The following PXDC1 variants were observed in gnomAD, a reference collection of about 807,000 sequenced individuals.
PXDC1 encodes the protein PX domain containing 1.
A neutral mutation model predicts 24.4 loss-of-function variants in PXDC1; 13 were observed. The ratio of observed to expected loss-of-function variants is 0.53; its 90% CI spans 0.35 to 0.85. The LOEUF is 0.85. PXDC1 is among the 40% of genes least tolerant of loss of function. The pLI, the probability that PXDC1 is intolerant of heterozygous loss-of-function variation, is 0.01. For synonymous variants in PXDC1, 162 were observed against 124.9 expected (o/e 1.30, Z -1.98); for missense variants, 344 against 309.3 (o/e 1.11, Z -0.84).
intron 3 of PXDC1, among the ~76,000 whole-genome samples, chr6:3,734,783 A>G (rs530420911): frequency 2.2e-4 from 33 of 149,024 alleles, no homozygotes; most frequent in African/African-American, 7.7e-4. Context: ...TCACAGGAAT[A>G]GAAAAAAAAA....
chr6:3,737,164 G>A lies in PXDC1; in HGVS notation c.381C>T (p.Phe127=), dbSNP rs781506214. The change falls in exon 3 of 5, where the codon TTC becomes TTT. Residue 127 remains phenylalanine (F), a synonymous_variant. Transcript: ENST00000380283. This position sits in a 1 kb window ranked among gnomAD's most constrained non-coding sequence, Gnocchi z 5.5. ...YSRSEVVLTF[F]ERSPLDQVLK... is the part of the protein sequence containing the mutation. Reference sequence around the variant, plus strand: ...ACACCTGATCCAGAGGAGATCTTTCGAAGAAGGTGAGCACAACTTCCGATC... The same window carrying A: ...ACACCTGATCCAGAGGAGATCTTTCAAAGAAGGTGAGCACAACTTCCGATC... 89 of 1,612,810 alleles carry A rather than the reference G, an allele frequency of 5.5e-5. No homozygotes were observed. Among genetic ancestry groups the A allele is most frequent in the Non-Finnish European group, 7.2e-5 (85 of 1,178,924 alleles).
At chr6:3,746,550 G>T (rs1760575369) in intron 1 of PXDC1, among the ~76,000 whole-genome samples, 2 of 152,144 alleles carry the variant, frequency 1.3e-5, no homozygotes, top group Admixed American at 6.5e-5. Context: ...GGGGCAGAAT[G>T]ACGCAGGTGA....
chr6:3,748,432 A>C (rs1172181764), intron 1 of PXDC1, among the ~76,000 whole-genome samples: 1 of 152,120 alleles, frequency 6.6e-6, no homozygotes. Context: ...GACCTCACCC[A>C]AACAGAAGTC....
At chr6:3,734,132 CAT>C (rs1040123511) in intron 3 of PXDC1, among the ~76,000 whole-genome samples, 1 of 152,222 alleles carries the variant, frequency 6.6e-6, no homozygotes, top group Non-Finnish European at 1.5e-5. Flanking sequence ...TCAATGGCAA[CAT>C]GAGACTCTAC....
At chr6:3,732,076 A>G (rs1760211741) in intron 3 of PXDC1, among the ~76,000 whole-genome samples, 1 of 152,228 alleles carries the variant, frequency 6.6e-6, no homozygotes, top group African/African-American at 2.4e-5. Context: ...AAATCTTTGC[A>G]TCTATCAATC....
In PXDC1 at chr6:3,751,125, C is replaced by T. The variant is rs1760704917; in HGVS notation, c.256+151G>A. ...CCCCTAACCCCGCCGCCCGGGCACC[C>T]CTCGTCTGCGGGCGCGGGGTCCAAG... On this transcript the variant is annotated intron_variant, in intron 1 of 4. Coordinates refer to ENST00000380283, the MANE Select transcript of PXDC1 (RefSeq NM_183373.4). 4.9e-6 allele frequency: 3 copies of T among 607,562 alleles called. No individual in the cohort carries two copies. In the South Asian group the frequency reaches 8.1e-5, roughly 16 times the overall value. The allele number at this position is 607,562 out of a possible 1,614,324, so 37.6% of individuals were successfully genotyped here.
chr6:3,745,451 C>T (rs376216725), intron 1 of PXDC1, among the ~76,000 whole-genome samples: 56 of 152,372 alleles, frequency 3.7e-4, no homozygotes, highest in African/African-American at 1.2e-3. Flanking sequence ...ATTATTACTG[C>T]TATAGCATCA....
intron 1 of PXDC1, chr6:3,738,689 TG>T: frequency 1.0e-6 from 1 of 959,926 alleles, no homozygotes; most frequent in Non-Finnish European, 1.4e-6. Context: ...AAAACCAAAG[TG>T]GACACGACTC....
chr6:3,742,950 CAA>C (rs1331864825), intron 1 of PXDC1, among the ~76,000 whole-genome samples: 1 of 152,192 alleles, frequency 6.6e-6, no homozygotes, highest in Non-Finnish European at 1.5e-5. Context: ...CTGCTTTCTG[CAA>C]ACACAAACAC....
intron 1 of PXDC1, 157 bp downstream of exon 1, chr6:3,751,119 G>GGCAC (rs1760704620): frequency 3.5e-6 from 2 of 565,440 alleles, no homozygotes; most frequent in Non-Finnish European, 5.7e-6. Context: ...CCGCCGCCCG[G>GGCAC]GCACCCCTCG....
intron 3 of PXDC1, 88 bp downstream of exon 3, chr6:3,736,991 C>A: frequency 2.5e-6 from 2 of 802,614 alleles, no homozygotes; most frequent in Non-Finnish European, 2.2e-6. Context: ...TGTGGCCCAG[C>A]CTCAGAGACA....
At chr6:3,741,714 C>T (rs1216379317) in intron 1 of PXDC1, among the ~76,000 whole-genome samples, 1 of 152,222 alleles carries the variant, frequency 6.6e-6, no homozygotes, top group African/African-American at 2.4e-5. Flanking sequence ...CAGAGCACGG[C>T]GACAAGAACG....
In PXDC1 at chr6:3,723,415, C is replaced by T; in HGVS notation, c.*204G>A. ...GGCCTCCGGCTGTGACCTCAGCTTG[C>T]TGGAGACTCTGCGGTCAGCCTGGCC... On this transcript the variant is annotated 3_prime_UTR_variant, in exon 5 of 5. Transcript: ENST00000380283. The T allele has an allele frequency of 1.7e-6, 1 of 599,418 alleles. No homozygotes were observed. Among genetic ancestry groups the T allele is most frequent in the Non-Finnish European group, 3.0e-6 (1 of 335,202 alleles). 37.1% of individuals were successfully genotyped at this position (599,418 alleles called of 1,614,324 possible).
Position 3,737,127 on chromosome 6 carries a change from T to C in PXDC1, c.418A>G (p.Asn140Asp), listed in dbSNP as rs115383667. The change falls in exon 3 of 5, where the codon AAT becomes GAT. Residue 140 changes from asparagine to aspartate, a missense_variant. Coordinates refer to ENST00000380283, the MANE Select transcript of PXDC1 (RefSeq NM_183373.4). The surrounding 1 kb of genome is among the most constrained non-coding windows in gnomAD (Gnocchi z 5.5). Reference protein sequence around the residue: ...SPLDQVLKNDNVHKIQPSFQS... With the variant: ...SPLDQVLKNDDVHKIQPSFQS... The stretch of plus-strand genomic sequence containing the variant: ...AAGCTGGGTTGAATTTTATGCACAT[T>C]ATCATTTTTTAACACCTGATCCAGA... 8 of 1,613,904 alleles carry C rather than the reference T, an allele frequency of 5.0e-6. No homozygotes were observed. In the Middle Eastern group the frequency reaches 8.2e-4, roughly 166 times the overall value.
At chr6:3,742,326 C>G (rs1427108834) in intron 1 of PXDC1, among the ~76,000 whole-genome samples, 1 of 152,190 alleles carries the variant, frequency 6.6e-6, no homozygotes, top group Non-Finnish European at 1.5e-5. Flanking sequence ...GATTTGAAAA[C>G]TTGTTTTCAA....
At chr6:3,734,476 T>C (rs530068675) in intron 3 of PXDC1, among the ~76,000 whole-genome samples, 58 of 152,294 alleles carry the variant, frequency 3.8e-4, no homozygotes, top group Non-Finnish European at 7.4e-4. Context: ...GGCTTCCCCA[T>C]GCTCTGCACT....
chr6:3,733,440 G>A (rs1349892863), intron 3 of PXDC1, among the ~76,000 whole-genome samples: 1 of 152,198 alleles, frequency 6.6e-6, no homozygotes, highest in Non-Finnish European at 1.5e-5. Flanking sequence ...TGGTGTGCGT[G>A]GGTGTACCGC....
chr6:3,725,025 C>T lies in PXDC1; in HGVS notation c.579-1289G>A, dbSNP rs767137339. On this transcript the variant is annotated intron_variant, in intron 4 of 4. Transcript: ENST00000380283. This position sits in a 1 kb window ranked among gnomAD's most constrained non-coding sequence, Gnocchi z 4.8. ...CACGAGGCTGGGACAGAGGCCGCGGCACAAAGAGCCCTAGCTGTGGGTGGG... is the reference window on the plus strand; with the variant it reads ...CACGAGGCTGGGACAGAGGCCGCGGTACAAAGAGCCCTAGCTGTGGGTGGG... Among the ~76,000 whole-genome samples the T allele has an allele frequency of 1.1e-4, 17 of 152,140 alleles. No individual in the cohort carries two copies. Among genetic ancestry groups the T allele is most frequent in the Non-Finnish European group, 2.2e-4 (15 of 68,034 alleles).
intron 1 of PXDC1, among the ~76,000 whole-genome samples, chr6:3,750,535 C>T (rs1760680183): frequency 6.6e-6 from 1 of 152,208 alleles, no homozygotes; most frequent in Non-Finnish European, 1.5e-5. Context: ...CCCCCTCAGC[C>T]TGGCCTCCAA....
Sources: allele counts gnomAD v4.1 joint callset (sites outside exome capture counted in the v4.1 genomes callset), GRCh38; gene constraint gnomAD v4.1.1; non-coding constraint Gnocchi (gnomAD v3.1); transcripts MANE v1.5; gene names NCBI Gene and HGNC (gene_info 2026-07-23, HGNC 2026-07-21).